MALRD1: variants seen among roughly 807,000 people sequenced by gnomAD.
The protein encoded by MALRD1 is MAM and LDL-receptor class A domain-containing protein 1.
MALRD1 carries 247 observed loss-of-function variants against 242.1 expected under a neutral mutation model. That is an observed-to-expected ratio of 1.02 (90% CI 0.92 to 1.13). The LOEUF is 1.13. MALRD1 is among the 50% of genes most tolerant of loss of function. MALRD1 has a pLI of 0.00. For synonymous variants in MALRD1, 995 were observed against 866.6 expected (o/e 1.15, Z -2.60); for missense variants, 2,989 against 2,533.1 (o/e 1.18, Z -3.86).
chr10:19,300,903 A>G (rs182937338), intron 21 of MALRD1, among the ~76,000 whole-genome samples: 139 of 152,232 alleles, frequency 9.1e-4, no homozygotes, highest in African/African-American at 3.2e-3. Flanking sequence ...AAAAGAAGCT[A>G]TCAACAGAGT....
intron 21 of MALRD1, among the ~76,000 whole-genome samples, chr10:19,293,259 A>G (rs992852517): frequency 6.6e-6 from 1 of 150,730 alleles, no homozygotes; most frequent in Admixed American, 6.6e-5. Flanking sequence ...TGAAATTTAA[A>G]TCAACTGTAG....
At chr10:19,579,288 C>T (rs1231310328) in intron 33 of MALRD1, among the ~76,000 whole-genome samples, 1 of 152,086 alleles carries the variant, frequency 6.6e-6, no homozygotes, top group East Asian at 1.9e-4. Flanking sequence ...CTCTAATGCC[C>T]ATGTCACTAA....
intron 19 of MALRD1, among the ~76,000 whole-genome samples, chr10:19,270,330 TCTCTCTCACACACACACACACACA>T (rs1363698017): frequency 9.3e-6 from 1 of 106,996 alleles, no homozygotes; most frequent in Non-Finnish European, 1.9e-5. Context: ...TCTCTCTCTC[TCTCTCTCACACACACACACACACA>T]CACACACACA....
chr10:19,525,380 A>T (rs1444633501), intron 31 of MALRD1, among the ~76,000 whole-genome samples: 1 of 152,190 alleles, frequency 6.6e-6, no homozygotes, highest in African/African-American at 2.4e-5. Context: ...CATCAATGTG[A>T]AAAAATGTCC....
chr10:19,329,638 C>G (rs1843281080), intron 23 of MALRD1, among the ~76,000 whole-genome samples: 1 of 152,106 alleles, frequency 6.6e-6, no homozygotes, highest in Non-Finnish European at 1.5e-5. Flanking sequence ...AGTTATGTAA[C>G]TACAAATGGC....
intron 22 of MALRD1, among the ~76,000 whole-genome samples, chr10:19,326,500 T>C (rs16918494): frequency 0.088 from 13,316 of 152,126 alleles, 1,101 homozygotes; most frequent in African/African-American, 0.22. Flanking sequence ...TATAGTGTGG[T>C]ATTAATATAA....
At chr10:19,292,120 A>G (rs1841466467) in intron 21 of MALRD1, among the ~76,000 whole-genome samples, 2 of 151,456 alleles carry the variant, frequency 1.3e-5, no homozygotes, top group African/African-American at 2.4e-5. Flanking sequence ...TGTGTGTCCT[A>G]AAGGAACTAT....
chr10:19,399,740 T>A (rs1846750579), intron 28 of MALRD1, among the ~76,000 whole-genome samples: 1 of 152,132 alleles, frequency 6.6e-6, no homozygotes. Flanking sequence ...TTAAAATAAA[T>A]GTTTTAAACT....
intron 26 of MALRD1, among the ~76,000 whole-genome samples, chr10:19,384,212 C>T (rs1414342491): frequency 2.1e-5 from 3 of 146,220 alleles, no homozygotes; most frequent in Non-Finnish European, 3.0e-5. Flanking sequence ...AATCAGGTTA[C>T]CTGAGTTTTG....
chr10:19,138,778 T>G (rs77650302), intron 10 of MALRD1, among the ~76,000 whole-genome samples: 173 of 152,312 alleles, frequency 1.1e-3, no homozygotes, highest in Non-Finnish European at 2.1e-3. Context: ...TAGTAAATCA[T>G]ACTTTATGTT....
intron 31 of MALRD1, among the ~76,000 whole-genome samples, chr10:19,506,819 A>G (rs939866450): frequency 6.6e-6 from 1 of 152,154 alleles, no homozygotes; most frequent in Admixed American, 6.6e-5. Flanking sequence ...AGTATTGAAA[A>G]TGTGGGTGGA....
rs1223721925 is a variant in MALRD1 at position 19,171,709 on chromosome 10, T to TGTATATGC, written c.1831-3499_1831-3498insGTATATGC. ...ATATGTGTGTATGTGTGTGTATATA[T>TGTATATGC]ACGTATATACACGTATATACGTATA... On this transcript the variant is annotated intron_variant, in intron 13 of 39. Coordinates refer to ENST00000454679, the MANE Select transcript of MALRD1 (RefSeq NM_001142308.3). Among the ~76,000 whole-genome samples, 2 of 140,496 alleles carry TGTATATGC rather than the reference T, an allele frequency of 1.4e-5. 1 individual carries two copies. Among genetic ancestry groups the TGTATATGC allele is most frequent in the African/African-American group, 5.2e-5 (2 of 38,652 alleles). 92.2% of individuals were successfully genotyped at this position (140,496 alleles called of 152,430 possible). A position where few individuals can be genotyped will look rare whatever the true frequency, so the allele number is the denominator to read the frequency against.
chr10:19,505,697 A>G (rs1355501591), intron 31 of MALRD1, among the ~76,000 whole-genome samples: 1 of 152,200 alleles, frequency 6.6e-6, no homozygotes, highest in Non-Finnish European at 1.5e-5. Flanking sequence ...GAATAGGGAA[A>G]TTGGCCCTGC....
chr10:19,134,044 G>T (rs12784196), intron 9 of MALRD1, 96 bp downstream of exon 9: 11,343 of 484,376 alleles, frequency 0.023, 258 homozygotes, highest in East Asian at 0.082. Context: ...TAAATTAGCA[G>T]TTAAGTTAGG....
At chr10:19,164,059 A>G (rs1834563354) in intron 12 of MALRD1, among the ~76,000 whole-genome samples, 1 of 152,206 alleles carries the variant, frequency 6.6e-6, no homozygotes, top group African/African-American at 2.4e-5. Context: ...ATTGCAGTTG[A>G]GAAACATGAA....
At chr10:19,576,228 G>A (rs1157513580) in intron 33 of MALRD1, among the ~76,000 whole-genome samples, 1 of 152,108 alleles carries the variant, frequency 6.6e-6, no homozygotes, top group African/African-American at 2.4e-5. Context: ...GAATAATCTC[G>A]AATACTCCCT....
intron 35 of MALRD1, 76 bp downstream of exon 35, chr10:19,607,978 C>G: frequency 6.7e-7 from 1 of 1,500,912 alleles, no homozygotes; most frequent in South Asian, 1.2e-5. Flanking sequence ...AATATTAAAA[C>G]TTGAGGTTCT....
chr10:19,425,986 C>T (rs369986406), intron 28 of MALRD1, among the ~76,000 whole-genome samples: 19 of 152,154 alleles, frequency 1.2e-4, no homozygotes, highest in African/African-American at 4.6e-4. Context: ...ATCTCTCTCC[C>T]AAAACATTTC....
At chr10:19,145,829 T>C (rs1303878553) in intron 10 of MALRD1, among the ~76,000 whole-genome samples, 1 of 152,056 alleles carries the variant, frequency 6.6e-6, no homozygotes, top group African/African-American at 2.4e-5. Flanking sequence ...TAATTTAAAC[T>C]TCCCCCTTCC....
Sources: gnomAD v4.1 joint callset for allele counts (sites outside exome capture counted in the v4.1 genomes callset) on GRCh38, gnomAD v4.1.1 for gene constraint, MANE v1.5 for transcripts, NCBI Gene and HGNC (gene_info 2026-07-23, HGNC 2026-07-21) for gene names.